Variants in FOXP3 observed in about 807,000 individuals in gnomAD.
FOXP3 encodes the protein forkhead box protein P3.
Under a neutral mutation model 31.2 loss-of-function variants are expected in FOXP3, and 5 were observed. The ratio of observed to expected loss-of-function variants is 0.16; its 90% CI spans 0.08 to 0.34. FOXP3 has a LOEUF of 0.34. Ranked by LOEUF, FOXP3 falls within the 10% of genes least tolerant of loss-of-function variation. The probability of loss-of-function intolerance (pLI) is 1.00; values close to 1 mark genes in which losing one functional copy is unlikely to be tolerated. For synonymous variants in FOXP3, 141 were observed against 148.8 expected, an observed-to-expected ratio of 0.95 and a Z score of 0.38; for missense variants, 251 against 363.0, an observed-to-expected ratio of 0.69 and a Z score of 2.51.
chrX:49,263,207 G>A (rs6609859), intron 1 of FOXP3, among the ~76,000 whole-genome samples: 7,004 of 99,946 alleles, frequency 0.07, 668 homozygotes, highest in African/African-American at 0.24. Flanking sequence ...AATGGCCAAT[G>A]AATAGTAAAA....
intron 1 of FOXP3, among the ~76,000 whole-genome samples, chrX:49,262,206 G>A (rs185875436): frequency 8.9e-6 from 1 of 112,684 alleles, no homozygotes; most frequent in East Asian, 2.8e-4. Context: ...TGGTTCAACT[G>A]ATGCTGCCTG....
In FOXP3 at chrX:49,255,382, C is replaced by T; in HGVS notation, c.816+47G>A. On this transcript the variant is annotated intron_variant, in intron 8 of 11. Transcript: ENST00000376207. ...CTGCACCGTGCAGACCTCCTCCCTG[C>T]CCCCCAGCAGTCTGAGTCTGCCACC... The T allele has an allele frequency of 6.2e-6, 7 of 1,123,544 alleles. No individual in the cohort carries two copies. In the Admixed American group the frequency reaches 9.6e-5, roughly 15 times the overall value. The allele number at this position is 1,123,544 out of a possible 1,213,427, so 92.6% of individuals were successfully genotyped here. A position where few individuals can be genotyped will look rare whatever the true frequency, so the allele number is the denominator to read the frequency against.
chrX:49,251,616 G>A (rs782015136), intron 11 of FOXP3, 48 bp downstream of exon 11: 13 of 1,207,291 alleles, frequency 1.1e-5, no homozygotes, highest in Non-Finnish European at 1.5e-5. Flanking sequence ...TTTGAGCTGC[G>A]ATGGCACTTG....
At chrX:49,260,861 C>G (rs2066105822) in intron 1 of FOXP3, among the ~76,000 whole-genome samples, 1 of 112,937 alleles carries the variant, frequency 8.9e-6, no homozygotes, top group South Asian at 3.6e-4. Context: ...GCAGATACCC[C>G]ACCCCACAGG....
At chrX:49,253,796 C>T (rs55798260) in intron 9 of FOXP3, 121 bp downstream of exon 9, 5 of 877,988 alleles carry the variant, frequency 5.7e-6, no homozygotes, top group Admixed American at 2.5e-5. Context: ...GGCTGAGTGG[C>T]GGCAGCTGCA....
At chrX:49,252,587 T>C (rs1285744467) in intron 10 of FOXP3, among the ~76,000 whole-genome samples, 5 of 109,330 alleles carry the variant, frequency 4.6e-5, no homozygotes, top group African/African-American at 6.7e-5. Context: ...TGAGAAGGCA[T>C]TGGGGAGGCT....
intron 1 of FOXP3, among the ~76,000 whole-genome samples, chrX:49,261,135 A>G (rs2066107460): frequency 1.8e-5 from 2 of 112,681 alleles, no homozygotes; most frequent in Non-Finnish European, 3.8e-5. Flanking sequence ...AGCATTTCTT[A>G]GATTTAAAGG....
chrX:49,251,575 T>C, intron 11 of FOXP3, 89 bp downstream of exon 11: 1 of 1,209,344 alleles, frequency 8.3e-7, no homozygotes, highest in Non-Finnish European at 1.1e-6. Context: ...CTCCCCAATG[T>C]GCCTATGAGC....
In FOXP3 at chrX:49,251,695, G is replaced by T; in HGVS notation, c.1115C>A (p.Ala372Asp). ...EIYHWFTRMF[A>D]FFRNHPATWK... ...GGTGGCAGGATGGTTTCTGAAGAAG[G>T]CAAACATGCGTGTGAACCAGTGGTA... Residue 372 changes from alanine (A) to aspartate (D), a missense_variant, in exon 11 of 12, where the codon GCC (alanine) becomes GAC (aspartate). By Grantham distance (126) the Ala-to-Asp change is moderately radical. Transcript: ENST00000376207. 1 of 1,204,421 alleles carries T rather than the reference G, an allele frequency of 8.3e-7. No homozygotes were observed.
At chrX:49,254,833 C>G (rs1037505286) in intron 8 of FOXP3, among the ~76,000 whole-genome samples, 1 of 111,417 alleles carries the variant, frequency 9.0e-6, no homozygotes, top group African/African-American at 3.3e-5. Context: ...AGGGGCCCTG[C>G]AGGTTACATA....
rs1175909397 is a variant in FOXP3, at chrX:49,258,559, G to A, written c.-22-32C>T. On this transcript the variant is annotated intron_variant, in intron 1 of 11. Coordinates refer to ENST00000376207, the MANE Select transcript of FOXP3 (RefSeq NM_014009.4). ...AGACAATAGGGGAAAGGAGTCACAC[G>A]TGTGCTAGGGCGGTATGAGATACTC... 1.1e-5 allele frequency: 12 copies of A among 1,051,188 alleles called. No homozygotes were observed. The African/African-American group carries it at 1.9e-4, about 17-fold the overall frequency. 86.6% of individuals were successfully genotyped at this position (1,051,188 alleles called of 1,213,427 possible). A position where few individuals can be genotyped will look rare whatever the true frequency, so the allele number is the denominator to read the frequency against.
intron 1 of FOXP3, among the ~76,000 whole-genome samples, chrX:49,263,561 A>G (rs1411581914): frequency 3.6e-5 from 4 of 112,673 alleles, no homozygotes; most frequent in African/African-American, 1.3e-4. Context: ...ATGAAAGATC[A>G]TGTGTTCAAA....
rs72024386 is a variant in FOXP3 at position 49,263,173 on chromosome X, C to CAAAAAAAAAA, written c.-23+1478_-23+1487dup. Among the ~76,000 whole-genome samples, 12 of 58,946 alleles carry CAAAAAAAAAA rather than the reference C, an allele frequency of 2.0e-4. 1 individual carries two copies. Among genetic ancestry groups the CAAAAAAAAAA allele is most frequent in the Middle Eastern group, 0.014 (1 of 70 alleles). 51.2% of individuals were successfully genotyped at this position (58,946 alleles called of 115,157 possible). A position where few individuals can be genotyped will look rare whatever the true frequency, so the allele number is the denominator to read the frequency against. On this transcript the variant is annotated intron_variant, in intron 1 of 11. Transcript: ENST00000376207. The stretch of plus-strand genomic sequence containing the variant: ...AGGAGTAAGGACATGACCAGACAAC[C>CAAAAAAAAAA]AAAAAAAAAAAAAAAAAAGCATGAA...
At position 49,250,784 on chromosome X, in the gene FOXP3, CCT is replaced by C. The variant is rs782343732; in HGVS notation, c.*548_*549del. The C allele has an allele frequency of 1.1e-3, 253 of 232,975 alleles. 1 individual carries two copies. Among genetic ancestry groups the C allele is most frequent in the Admixed American group, 4.2e-3 (66 of 15,838 alleles). The allele number at this position is 232,975 out of a possible 1,213,427, so 19.2% of individuals were successfully genotyped here. On this transcript the variant is annotated 3_prime_UTR_variant, in exon 12 of 12. Transcript: ENST00000376207. ...TTCTGTGTAGGCCTCTGGGCACACC[CCT>C]GTGTTGACAGTGCCCCTGTGGGCCC...
At chrX:49,253,313 C>T (rs1490851085) in intron 9 of FOXP3, 111 bp from the exon 10 acceptor site, 11 of 594,191 alleles carry the variant, frequency 1.9e-5, no homozygotes, top group African/African-American at 9.0e-5. Flanking sequence ...CGTCAACACC[C>T]GTGTCCACGG....
intron 10 of FOXP3, among the ~76,000 whole-genome samples, chrX:49,252,590 G>A (rs1406136451): frequency 9.1e-6 from 1 of 109,942 alleles, no homozygotes; most frequent in Non-Finnish European, 1.9e-5. Flanking sequence ...GAAGGCATTG[G>A]GGAGGCTGAG....
rs782455768 is a variant in FOXP3, at chrX:49,252,779, C to T, written c.1044+347G>A. ...AGGAGTTAGAGTAAGAGCTGGGGTA[C>T]GTTTAGGGCAAGGTGCAGAGATGGG... On this transcript the variant is annotated intron_variant, in intron 10 of 11. Transcript: ENST00000376207. 6.4e-5 allele frequency among the ~76,000 whole-genome samples: 7 copies of T among 109,084 alleles called. No individual in the cohort carries two copies. In the South Asian group the frequency reaches 2.4e-3, roughly 37 times the overall value. The allele number at this position is 109,084 out of a possible 115,157, so 94.7% of individuals were successfully genotyped here.
At chrX:49,251,591 C>T (rs375294586) in intron 11 of FOXP3, 73 bp downstream of exon 11, 4 of 1,206,472 alleles carry the variant, frequency 3.3e-6, no homozygotes, top group African/African-American at 3.5e-5. Context: ...TGAGCCCAGA[C>T]CCAGGCCTGC....
chrX:49,251,353 T>C lies in FOXP3; in HGVS notation c.1277A>G (p.Asn426Ser), dbSNP rs1557115507. 8.3e-7 allele frequency: 1 copy of C among 1,209,755 alleles called. No individual in the cohort carries two copies. The highest frequency in any genetic ancestry group is 1.7e-5 in the African/African-American group (1 of 57,727). ...TTGAGGTCAGGGGCCAGGTGTAGGGTTGGAACACCTGCTGGGCCTCTGGCT... is the reference window on the plus strand; with the variant it reads ...TTGAGGTCAGGGGCCAGGTGTAGGGCTGGAACACCTGCTGGGCCTCTGGCT... ...KRSQRPSRCS[N>S]PTPGP The change falls in exon 12 of 12, where the codon AAC (asparagine) becomes AGC (serine). Residue 426 changes from asparagine (N) to serine (S), a missense_variant. Physicochemically the swap from Asn to Ser is conservative, Grantham distance 46 (BLOSUM62 1). Around this residue, in one of 4 missense-constraint regions of FOXP3, gnomAD observed 36 missense variants for 88.1 expected, o/e 0.41. Transcript: ENST00000376207.
Sources: allele counts gnomAD v4.1 joint callset (sites outside exome capture counted in the v4.1 genomes callset), GRCh38; gene constraint gnomAD v4.1.1; regional missense constraint gnomAD v4.1.1; transcripts MANE v1.5; gene names NCBI Gene and HGNC (gene_info 2026-07-23, HGNC 2026-07-21).